Variants in RPS17 observed in about 807,000 individuals in gnomAD.
RPS17 encodes the protein small ribosomal subunit protein eS17.
For missense variants in RPS17, 68 were observed against 182.3 expected (o/e 0.37, Z 3.61); for synonymous variants, 75 against 65.6 (o/e 1.14, Z -0.70).
At chr15:82,539,936 C>T in intron 2 of RPS17, 45 bp downstream of exon 2, 1 of 1,612,032 alleles carries the variant, frequency 6.2e-7, no homozygotes, top group Non-Finnish European at 8.5e-7. Flanking sequence ...GCAGAGCACA[C>T]AAACAGATCG....
intron 4 of RPS17, chr15:82,537,743 G>A: frequency 2.5e-6 from 1 of 400,958 alleles, no homozygotes; most frequent in Non-Finnish European, 4.9e-6. Context: ...ACCTTTTTGA[G>A]TGTCTTAAAC....
At chr15:82,537,212 TG>T (rs2034255956) in intron 4 of RPS17, 2 of 438,564 alleles carry the variant, frequency 4.6e-6, no homozygotes, top group South Asian at 2.1e-5. Context: ...CATCCTGGGC[TG>T]GACATTCTTT....
chr15:82,538,478 G>T, intron 3 of RPS17, 107 bp from the exon 4 acceptor site: 3 of 1,244,086 alleles, frequency 2.4e-6, no homozygotes, highest in South Asian at 2.4e-5. Context: ...AGCTGCACAA[G>T]GATAGCATTC....
chr15:82,539,957 G>C (rs1200429368), intron 2 of RPS17, 24 bp downstream of exon 2: 1 of 1,612,060 alleles, frequency 6.2e-7, no homozygotes, highest in Admixed American at 1.7e-5. Context: ...CGGAGCCCCG[G>C]AGGCCGAGGA....
At chr15:82,539,688 C>CAA (rs1282817461) in intron 2 of RPS17, 35 of 430,488 alleles carry the variant, frequency 8.1e-5, no homozygotes, top group Middle Eastern at 6.3e-4. Context: ...GATTCCGTCT[C>CAA]AAAAAAAAAA....
At chr15:82,539,936 C>G in intron 2 of RPS17, 45 bp downstream of exon 2, 1 of 1,612,032 alleles carries the variant, frequency 6.2e-7, no homozygotes, top group South Asian at 1.1e-5. Flanking sequence ...GCAGAGCACA[C>G]AAACAGATCG....
chr15:82,537,133 G>C (rs1017851422), intron 4 of RPS17: 2 of 586,514 alleles, frequency 3.4e-6, no homozygotes, highest in East Asian at 3.0e-5. Flanking sequence ...CATGCCATTT[G>C]TATCTGTTTT....
intron 4 of RPS17, 72 bp from the exon 5 acceptor site, chr15:82,536,953 G>A (rs2034250020): frequency 1.9e-6 from 3 of 1,574,526 alleles, no homozygotes; most frequent in Non-Finnish European, 2.6e-6. Flanking sequence ...AGAAAACACA[G>A]GCCCCTAGAG....
chr15:82,537,154 T>C, intron 4 of RPS17: 1 of 547,788 alleles, frequency 1.8e-6, no homozygotes, highest in East Asian at 3.3e-5. Flanking sequence ...CACAACCCCT[T>C]CCTATCAATC....
intron 4 of RPS17, chr15:82,537,504 T>C (rs1357921637): frequency 3.2e-6 from 1 of 308,260 alleles, no homozygotes; most frequent in Non-Finnish European, 6.2e-6. Context: ...GAGCAGACCC[T>C]GCCCTCAAAC....
chr15:82,537,022 G>T, intron 4 of RPS17, 141 bp from the exon 5 acceptor site: 2 of 838,010 alleles, frequency 2.4e-6, no homozygotes, highest in Non-Finnish European at 4.1e-6. Context: ...GAGCCAACAG[G>T]GTTCTCAATG....
Position 82,538,233 on chromosome 15 carries a change from A to G in RPS17, c.327+73T>C, listed in dbSNP as rs1474732542. The stretch of plus-strand genomic sequence containing the variant: ...AACTCTGCCACTTACTAGCTGGGTG[A>G]CCTTGGATAATAAGACCTACTGATG... On this transcript the variant is annotated intron_variant, in intron 4 of 4. Coordinates refer to ENST00000647841, the MANE Select transcript of RPS17 (RefSeq NM_001021.6). The G allele has an allele frequency of 3.9e-6, 6 of 1,542,792 alleles. No individual in the cohort carries two copies. In the Admixed American group the frequency reaches 1.0e-4, roughly 26 times the overall value.
intron 1 of RPS17, 44 bp downstream of exon 1, chr15:82,540,382 G>C: frequency 6.3e-7 from 1 of 1,590,878 alleles, no homozygotes; most frequent in East Asian, 2.3e-5. Flanking sequence ...GCTGCAGATG[G>C]GGGACGATTG....
intron 4 of RPS17, chr15:82,537,169 T>G (rs2034254924): frequency 3.9e-6 from 2 of 515,890 alleles, no homozygotes; most frequent in South Asian, 4.1e-5. Flanking sequence ...TCAATCACTC[T>G]AAAACACCGT....
chr15:82,538,052 CA>C (rs1332310803), intron 4 of RPS17: 9 of 544,652 alleles, frequency 1.7e-5, no homozygotes, highest in Non-Finnish European at 3.2e-5. Context: ...GCTATAAAAC[CA>C]AGAACAGAAG....
chr15:82,538,323 C>T lies in RPS17; in HGVS notation c.310G>A (p.Glu104Lys). 1 of 1,613,442 alleles carries T rather than the reference C, an allele frequency of 6.2e-7. No homozygotes were observed. The highest frequency in any genetic ancestry group is 8.5e-7 in the Non-Finnish European group (1 of 1,179,812). The change falls in exon 4 of 5, where the codon GAA becomes AAA. Residue 104 changes from glutamate (E) to lysine (K), a missense_variant. Physicochemically the swap from Glu to Lys is moderately conservative, Grantham distance 56. Transcript: ENST00000647841. Reference sequence around the variant, plus strand: ...ACACTTACCAAAAGCTTCAGCATTTCCTTAGTGTCAGGATCTACTTCAATA... The same window carrying T: ...ACACTTACCAAAAGCTTCAGCATTTTCTTAGTGTCAGGATCTACTTCAATA... ...EIIEVDPDTK[E>K]MLKLLDFGSL...
chr15:82,538,775 A>G, intron 3 of RPS17, 105 bp downstream of exon 3: 5 of 1,207,048 alleles, frequency 4.1e-6, no homozygotes, highest in South Asian at 1.2e-5. Flanking sequence ...TATGGAATGT[A>G]TGGATTAAAG....
At chr15:82,539,919 G>C in intron 2 of RPS17, 62 bp downstream of exon 2, 1 of 1,611,756 alleles carries the variant, frequency 6.2e-7, no homozygotes, top group Non-Finnish European at 8.5e-7. Flanking sequence ...TCCCGAGTCG[G>C]AGGGCGGCAG....
At chr15:82,537,990 G>A in intron 4 of RPS17, 1 of 478,050 alleles carries the variant, frequency 2.1e-6, no homozygotes, top group South Asian at 1.5e-5. Context: ...CTTCACAGAA[G>A]AAAAGCAGGC....
Sources: allele counts gnomAD v4.1 joint callset, GRCh38; gene constraint gnomAD v4.1.1; transcripts MANE v1.5; gene names NCBI Gene and HGNC (gene_info 2026-07-23, HGNC 2026-07-21).